Variants in ENOX1 observed in about 807,000 individuals in gnomAD.
ENOX1 encodes the protein ecto-NOX disulfide-thiol exchanger 1.
Under a neutral mutation model 82.5 loss-of-function variants are expected in ENOX1, and 42 were observed. The observed-to-expected ratio is 0.51, with a 90% CI of 0.40 to 0.66. ENOX1 has a LOEUF of 0.66. Ranked by LOEUF, ENOX1 falls within the 30% of genes least tolerant of loss-of-function variation. The pLI is 0.00. For synonymous variants in ENOX1, 271 were observed against 282.2 expected, an observed-to-expected ratio of 0.96 and a Z score of 0.40; for missense variants, 608 against 811.6, an observed-to-expected ratio of 0.75 and a Z score of 3.05.
rs552831893 is a variant in ENOX1, at chr13:43,678,564, C to G, written c.-284-11020G>C. Among the ~76,000 whole-genome samples the G allele has an allele frequency of 8.5e-5, 13 of 152,296 alleles. No individual in the cohort carries two copies. In the East Asian group the frequency reaches 2.3e-3, roughly 27 times the overall value. On this transcript the variant is annotated intron_variant, in intron 1 of 16. Coordinates refer to ENST00000690772, the MANE Select transcript of ENOX1 (RefSeq NM_001347969.2). ...AGAGTTAAATGCCACTTCCATCAGGCACAATGGACCAGTCCTGGACTTTAG... is the reference window on the plus strand; with the variant it reads ...AGAGTTAAATGCCACTTCCATCAGGGACAATGGACCAGTCCTGGACTTTAG...
chr13:43,565,460 A>G (rs1022584427), intron 2 of ENOX1, among the ~76,000 whole-genome samples: 1 of 152,090 alleles, frequency 6.6e-6, no homozygotes, highest in Non-Finnish European at 1.5e-5. Flanking sequence ...CAGAAGCTCC[A>G]GTGGCCTGGG....
At chr13:43,712,746 T>C (rs2087818830) in intron 1 of ENOX1, among the ~76,000 whole-genome samples, 2 of 152,228 alleles carry the variant, frequency 1.3e-5, no homozygotes, top group South Asian at 4.1e-4. Context: ...ATGCTTATGA[T>C]TTTTGTACAT....
At chr13:43,460,614 A>G (rs542907793) in intron 3 of ENOX1, among the ~76,000 whole-genome samples, 2 of 152,004 alleles carry the variant, frequency 1.3e-5, no homozygotes, top group East Asian at 3.9e-4. Context: ...CTAACACGGT[A>G]AAACCCTGTC....
At chr13:43,431,119 G>A (rs143084528) in intron 3 of ENOX1, among the ~76,000 whole-genome samples, 49 of 152,274 alleles carry the variant, frequency 3.2e-4, no homozygotes, top group African/African-American at 1.1e-3. Flanking sequence ...TGATTTTAAA[G>A]CTTAACTCTT....
At chr13:43,277,513 A>T (rs1566402636) in intron 12 of ENOX1, among the ~76,000 whole-genome samples, 1 of 152,184 alleles carries the variant, frequency 6.6e-6, no homozygotes, top group Non-Finnish European at 1.5e-5. Flanking sequence ...AGTGTTTCCA[A>T]GGGTCTGGCT....
chr13:43,698,527 A>T (rs938352514), intron 1 of ENOX1, among the ~76,000 whole-genome samples: 6 of 152,204 alleles, frequency 3.9e-5, no homozygotes, highest in African/African-American at 1.4e-4. Flanking sequence ...TTAAACAATT[A>T]AACCATATTA....
At chr13:43,601,088 G>A (rs950576608) in intron 2 of ENOX1, among the ~76,000 whole-genome samples, 15 of 152,176 alleles carry the variant, frequency 9.9e-5, no homozygotes, top group African/African-American at 3.4e-4. Context: ...CAGACTATGA[G>A]GACTACAATA....
chr13:43,303,063 CA>C (rs2046670975), intron 11 of ENOX1, among the ~76,000 whole-genome samples: 1 of 152,176 alleles, frequency 6.6e-6, no homozygotes. Context: ...TCCACTTTGC[CA>C]GATGTCCTCC....
intron 2 of ENOX1, among the ~76,000 whole-genome samples, chr13:43,493,618 C>T (rs1308288834): frequency 6.6e-6 from 1 of 152,162 alleles, no homozygotes; most frequent in East Asian, 1.9e-4. Context: ...CAGATCTTCC[C>T]CATTCAGTCC....
At chr13:43,379,846 T>A (rs2051905714) in intron 5 of ENOX1, among the ~76,000 whole-genome samples, 1 of 151,788 alleles carries the variant, frequency 6.6e-6, no homozygotes, top group African/African-American at 2.4e-5. Context: ...GATAAAAGTA[T>A]ATGAGGGAAC....
intron 2 of ENOX1, among the ~76,000 whole-genome samples, chr13:43,512,897 C>T (rs917796590): frequency 6.6e-6 from 1 of 151,910 alleles, no homozygotes; most frequent in African/African-American, 2.4e-5. Context: ...TTATTAAGCA[C>T]CTAAGATATG....
At chr13:43,760,386 T>C (rs1950895295) in intron 1 of ENOX1, among the ~76,000 whole-genome samples, 1 of 152,156 alleles carries the variant, frequency 6.6e-6, no homozygotes, top group Non-Finnish European at 1.5e-5. Flanking sequence ...GTTAGTACTA[T>C]GTATTTATAC....
intron 1 of ENOX1, among the ~76,000 whole-genome samples, chr13:43,754,188 T>C (rs1950506281): frequency 7.9e-6 from 1 of 126,920 alleles, no homozygotes; most frequent in African/African-American, 2.7e-5. Context: ...TATGTATGTA[T>C]ATATACATAT....
At chr13:43,694,503 T>A (rs1458461326) in intron 1 of ENOX1, among the ~76,000 whole-genome samples, 1 of 152,198 alleles carries the variant, frequency 6.6e-6, no homozygotes, top group Admixed American at 6.5e-5. Flanking sequence ...CTTCTCTTTC[T>A]TTTACTCTCT....
chr13:43,463,178 A>G (rs908424871), intron 3 of ENOX1, among the ~76,000 whole-genome samples: 1 of 121,546 alleles, frequency 8.2e-6, no homozygotes, highest in African/African-American at 3.2e-5. Flanking sequence ...AGATGCATCT[A>G]ACCTTTATAC....
chr13:43,743,130 G>C (rs1264990009), intron 1 of ENOX1, among the ~76,000 whole-genome samples: 4 of 152,090 alleles, frequency 2.6e-5, no homozygotes, highest in Non-Finnish European at 5.9e-5. Flanking sequence ...TTGTATAAGA[G>C]GTTCTCAGAA....
intron 14 of ENOX1, among the ~76,000 whole-genome samples, chr13:43,249,859 T>C (rs1263089260): frequency 1.3e-5 from 2 of 152,210 alleles, no homozygotes; most frequent in African/African-American, 2.4e-5. Context: ...CACCCCCAAA[T>C]TGAATTCTCT....
chr13:43,307,037 C>A (rs4942204), intron 11 of ENOX1, among the ~76,000 whole-genome samples: 145,138 of 152,286 alleles, frequency 0.95, 69,585 homozygotes, highest in East Asian at 1. Context: ...ATGGGTTGAA[C>A]AGAAAACTTT....
At chr13:43,251,915 G>A (rs1422628660) in intron 14 of ENOX1, among the ~76,000 whole-genome samples, 2 of 152,172 alleles carry the variant, frequency 1.3e-5, no homozygotes, top group African/African-American at 2.4e-5. Context: ...TTACAGCTGT[G>A]AGACTTATAT....
Sources: gnomAD v4.1 joint callset for allele counts (sites outside exome capture counted in the v4.1 genomes callset) on GRCh38, gnomAD v4.1.1 for gene constraint, MANE v1.5 for transcripts, NCBI Gene and HGNC (gene_info 2026-07-23, HGNC 2026-07-21) for gene names.